The following ITGA2 variants were observed in gnomAD, a reference collection of about 807,000 sequenced individuals.
ITGA2 encodes the protein integrin subunit alpha 2.
In ITGA2, 101 loss-of-function variants were observed where a neutral mutation model predicts 146.3. The observed-to-expected ratio is 0.69, with a 90% confidence interval of 0.59 to 0.81. The LOEUF is 0.81. ITGA2 is among the 40% of genes least tolerant of loss of function. ITGA2 has a pLI of 0.00. For synonymous variants in ITGA2, 477 were observed against 487.1 expected, an observed-to-expected ratio of 0.98 and a Z score of 0.27; for missense variants, 1,281 against 1,402.7, an observed-to-expected ratio of 0.91 and a Z score of 1.39.
rs551369727 is a variant in ITGA2 at position 53,025,591 on chromosome 5, A to G, written c.65-1157A>G. Among the ~76,000 whole-genome samples, 235 of 152,308 alleles carry G rather than the reference A, an allele frequency of 1.5e-3. 2 individuals carry two copies. The highest frequency in any genetic ancestry group is 4.7e-3 in the African/African-American group (196 of 41,580). On this transcript the variant is annotated intron_variant, in intron 1 of 29. Transcript: ENST00000296585. ...GCACTCTACAGAATCTGCTCCCTGA[A>G]ATGCAGAGGCGCAATGGAAGAGCAA...
At chr5:53,013,491 T>A (rs2111753595) in intron 1 of ITGA2, among the ~76,000 whole-genome samples, 1 of 152,202 alleles carries the variant, frequency 6.6e-6, no homozygotes, top group Admixed American at 6.5e-5. Flanking sequence ...ACCAGTACCA[T>A]GTTGTTTTCA....
intron 1 of ITGA2, among the ~76,000 whole-genome samples, chr5:52,993,708 GAC>G (rs1417009752): frequency 6.6e-6 from 1 of 152,200 alleles, no homozygotes. Context: ...GCAAAATAAA[GAC>G]ACATGTTCAG....
At chr5:52,995,930 G>A (rs1741221039) in intron 1 of ITGA2, among the ~76,000 whole-genome samples, 1 of 152,194 alleles carries the variant, frequency 6.6e-6, no homozygotes, top group African/African-American at 2.4e-5. Flanking sequence ...ACAACTGCAA[G>A]AACTGGGGTA....
Position 53,071,943 on chromosome 5 carries a change from C to G in ITGA2, c.2241C>G (p.Pro747=). The change falls in exon 18 of 30, where the codon CCC becomes CCG. Residue 747 remains proline (P), a synonymous_variant. Transcript: ENST00000296585. ...TTGTGTGTGTGTATGTTTAGGAGCC[C>G]TCTGATGTTGTCAACTCTTTGGATT... ...CPEHIIYIQE[P]SDVVNSLDLR... 4 of 1,611,456 alleles carry G rather than the reference C, an allele frequency of 2.5e-6. No homozygotes were observed. Among genetic ancestry groups the G allele is most frequent in the Non-Finnish European group, 3.4e-6 (4 of 1,178,202 alleles).
intron 12 of ITGA2, 90 bp downstream of exon 12, chr5:53,061,136 C>A: frequency 8.3e-7 from 1 of 1,209,392 alleles, no homozygotes. Flanking sequence ...AACAACATGG[C>A]CTGAGTGCCT....
intron 2 of ITGA2, among the ~76,000 whole-genome samples, chr5:53,039,739 C>CAAAAAAA (rs1175067104): frequency 1.2e-4 from 4 of 33,264 alleles, no homozygotes; most frequent in Admixed American, 3.7e-4. Context: ...GACTCCATCT[C>CAAAAAAA]AAAAAAAAAA....
chr5:53,010,136 G>A (rs952714921), intron 1 of ITGA2, among the ~76,000 whole-genome samples: 1 of 152,166 alleles, frequency 6.6e-6, no homozygotes, highest in Non-Finnish European at 1.5e-5. Context: ...GGTTATCCAG[G>A]AAAGATTTCC....
In ITGA2 at chr5:53,050,039, G is replaced by A. The variant is rs548461591; in HGVS notation, c.630+1269G>A. Among the ~76,000 whole-genome samples, 7 of 152,152 alleles carry A rather than the reference G, an allele frequency of 4.6e-5. No individual in the cohort carries two copies. In the South Asian group the frequency reaches 6.2e-4, roughly 14 times the overall value. On this transcript the variant is annotated intron_variant, in intron 6 of 29. Coordinates refer to ENST00000296585, the MANE Select transcript of ITGA2 (RefSeq NM_002203.4). ...CTGTGGGCATTTTCCAGGACATTCC[G>A]CTAAATAAAACTACATATAGCACTG...
chr5:53,011,561 C>T (rs537569624), intron 1 of ITGA2, among the ~76,000 whole-genome samples: 19 of 151,984 alleles, frequency 1.3e-4, no homozygotes, highest in Non-Finnish European at 2.9e-5. Context: ...TTACTGATGC[C>T]CTGAAAGTTT....
At chr5:53,067,375 TA>T (rs759290063) in intron 16 of ITGA2, 118 bp downstream of exon 16, 317 of 1,067,966 alleles carry the variant, frequency 3.0e-4, no homozygotes, top group Non-Finnish European at 4.0e-4. Flanking sequence ...TATAGACACT[TA>T]AGTTTCCTTA....
chr5:53,070,013 T>A, intron 16 of ITGA2, 96 bp from the exon 17 acceptor site: 1 of 962,192 alleles, frequency 1.0e-6, no homozygotes. Flanking sequence ...TTTCTTGATG[T>A]GAGATACTTT....
In ITGA2 at chr5:53,075,306, T is replaced by C; in HGVS notation, c.2825+2T>C. 6.2e-7 allele frequency: 1 copy of C among 1,611,670 alleles called. No homozygotes were observed. The highest frequency in any genetic ancestry group is 8.5e-7 in the Non-Finnish European group (1 of 1,178,588). Reference sequence around the variant, plus strand: ...TGATGCTGAAATTCACTTAACAAGGTAGGTGAAGCAGTGGGTAACCTGCTA... The same window carrying C: ...TGATGCTGAAATTCACTTAACAAGGCAGGTGAAGCAGTGGGTAACCTGCTA... On this transcript the variant is annotated splice_donor_variant, in intron 23 of 29. Transcript: ENST00000296585. LOFTEE classifies it high-confidence loss of function.
Position 53,094,013 on chromosome 5 carries a change from A to C in ITGA2, c.*3414A>C, listed in dbSNP as rs546009701. The C allele has an allele frequency of 3.9e-5, 6 of 152,754 alleles. No homozygotes were observed. The allele number at this position is 152,754 out of a possible 1,614,324, so 9.5% of individuals were successfully genotyped here. ...AAAGCCAATTTATTATAGTCACACA[A>C]GTGATTATACTAAAAATTATTATAA... On this transcript the variant is annotated 3_prime_UTR_variant, in exon 30 of 30. Transcript: ENST00000296585.
At chr5:53,089,095 T>C (rs1173936740) in intron 28 of ITGA2, 2 of 152,078 alleles carry the variant, frequency 1.3e-5, no homozygotes, top group Non-Finnish European at 2.9e-5. Flanking sequence ...TGAAAGGAAA[T>C]ACAGTCACCA....
At position 53,048,404 on chromosome 5, in the gene ITGA2, T is replaced by C; in HGVS notation, c.429T>C (p.Tyr143=). The C allele has an allele frequency of 6.2e-7, 1 of 1,614,138 alleles. No individual in the cohort carries two copies. The highest frequency in any genetic ancestry group is 8.5e-7 in the Non-Finnish European group (1 of 1,179,970). The change falls in exon 5 of 30, where the codon TAT becomes TAC. Residue 143 remains tyrosine (Y), a synonymous_variant. Transcript: ENST00000296585. ...PLWAQQCGNQ[Y]YTTGVCSDIS... ...GGGCACAGCAATGTGGGAATCAGTA[T>C]TACACAACGGGTGTGTGTTCTGACA... is the stretch of plus-strand genomic sequence containing the variant.
chr5:53,067,225 A>G lies in ITGA2; in HGVS notation c.2051A>G (p.Lys684Arg), dbSNP rs1283778652. The stretch of plus-strand genomic sequence containing the variant: ...ATTCTCAAACTCTGCTTCAGTGCAA[A>G]GTTCAGACCTACTAAGCAAAACAAT... ...QIILKLCFSA[K>R]FRPTKQNNQV... The change falls in exon 16 of 30, where the codon AAG becomes AGG. Residue 684 changes from lysine (K) to arginine (R), a missense_variant. Lys to Arg is a conservative substitution (Grantham distance 26). Coordinates refer to ENST00000296585, the MANE Select transcript of ITGA2 (RefSeq NM_002203.4). 1 of 1,611,710 alleles carries G rather than the reference A, an allele frequency of 6.2e-7. No homozygotes were observed. Among genetic ancestry groups the G allele is most frequent in the South Asian group, 1.1e-5 (1 of 91,034 alleles).
chr5:53,024,574 A>G (rs1742847025), intron 1 of ITGA2, among the ~76,000 whole-genome samples: 1 of 152,218 alleles, frequency 6.6e-6, no homozygotes, highest in Non-Finnish European at 1.5e-5. Context: ...AATTTTGGAT[A>G]ATTGCTCTAG....
At chr5:53,089,881 G>A in intron 28 of ITGA2, 65 bp from the exon 29 acceptor site, 3 of 940,476 alleles carry the variant, frequency 3.2e-6, no homozygotes, top group Non-Finnish European at 5.3e-6. Flanking sequence ...TAGAGAATTG[G>A]ACTAGACCAT....
At chr5:53,021,707 T>C (rs2111791546) in intron 1 of ITGA2, among the ~76,000 whole-genome samples, 1 of 152,358 alleles carries the variant, frequency 6.6e-6, no homozygotes, top group Non-Finnish European at 1.5e-5. Flanking sequence ...CACTCTGTGC[T>C]CACAGTTAGA....
Sources: allele counts gnomAD v4.1 joint callset (sites outside exome capture counted in the v4.1 genomes callset), GRCh38; gene constraint gnomAD v4.1.1; transcripts MANE v1.5; gene names NCBI Gene and HGNC (gene_info 2026-07-23, HGNC 2026-07-21).